Variants in AGBL4 observed in about 807,000 individuals in gnomAD.
AGBL4 encodes the protein cytosolic carboxypeptidase 6.
Under a neutral mutation model 66.4 loss-of-function variants are expected in AGBL4, and 58 were observed. That is an observed-to-expected ratio of 0.87 (90% CI 0.71 to 1.09). AGBL4 has a LOEUF of 1.09. Among genes scored for constraint, AGBL4 ranks in the 50% least tolerant of loss-of-function variants. AGBL4 has a pLI of 0.00. For synonymous variants in AGBL4, 234 were observed against 222.9 expected, an observed-to-expected ratio of 1.05 and a Z score of -0.44; for missense variants, 579 against 631.0, an observed-to-expected ratio of 0.92 and a Z score of 0.88.
chr1:49,284,642 G>C (rs775352294), intron 3 of AGBL4, among the ~76,000 whole-genome samples: 1 of 152,170 alleles, frequency 6.6e-6, no homozygotes, highest in African/African-American at 2.4e-5. Context: ...CACGTGCAGA[G>C]ACACACATAG....
intron 3 of AGBL4, among the ~76,000 whole-genome samples, chr1:49,609,523 A>G (rs1361553696): frequency 6.6e-6 from 1 of 152,162 alleles, no homozygotes; most frequent in African/African-American, 2.4e-5. Flanking sequence ...CAACAGAAAA[A>G]GAAGGGGATT....
At chr1:49,775,312 T>G (rs2147892463) in intron 2 of AGBL4, among the ~76,000 whole-genome samples, 2 of 152,274 alleles carry the variant, frequency 1.3e-5, no homozygotes, top group East Asian at 3.9e-4. Flanking sequence ...CTGTGTATAT[T>G]AAATAAAACA....
intron 1 of AGBL4, among the ~76,000 whole-genome samples, chr1:50,021,878 A>C (rs1238260396): frequency 6.6e-6 from 1 of 152,192 alleles, no homozygotes; most frequent in African/African-American, 2.4e-5. Context: ...ACCCAAATTC[A>C]TATCATATTC....
intron 5 of AGBL4, among the ~76,000 whole-genome samples, chr1:48,903,637 C>A (rs1222063245): frequency 6.6e-6 from 1 of 152,212 alleles, no homozygotes; most frequent in Non-Finnish European, 1.5e-5. Flanking sequence ...CCTTGTCTTT[C>A]ATGCCTCACC....
chr1:48,573,236 C>T (rs898899702), intron 11 of AGBL4, among the ~76,000 whole-genome samples: 3 of 152,178 alleles, frequency 2.0e-5, no homozygotes, highest in Admixed American at 6.5e-5. Flanking sequence ...AATCATTTCT[C>T]GCTTACTATG....
intron 3 of AGBL4, among the ~76,000 whole-genome samples, chr1:49,616,459 C>T (rs576033675): frequency 6.6e-6 from 1 of 152,246 alleles, no homozygotes; most frequent in African/African-American, 2.4e-5. Context: ...TAAATATATT[C>T]TCCTCAGGGC....
At chr1:48,730,192 C>T (rs988690159) in intron 6 of AGBL4, among the ~76,000 whole-genome samples, 1 of 152,162 alleles carries the variant, frequency 6.6e-6, no homozygotes, top group African/African-American at 2.4e-5. Flanking sequence ...TTGTTTCCCC[C>T]CAACAGACTG....
intron 6 of AGBL4, among the ~76,000 whole-genome samples, chr1:48,828,043 CAA>C (rs1469660544): frequency 1.5e-5 from 2 of 137,108 alleles, no homozygotes; most frequent in African/African-American, 2.7e-5. Context: ...CACACACACA[CAA>C]ATTAGCCGGG....
At chr1:49,150,356 T>C (rs1282180647) in intron 4 of AGBL4, among the ~76,000 whole-genome samples, 1 of 152,206 alleles carries the variant, frequency 6.6e-6, no homozygotes, top group Non-Finnish European at 1.5e-5. Flanking sequence ...TTTCACAATT[T>C]GTACACATTC....
Position 49,851,517 on chromosome 1 carries a change from G to T in AGBL4, c.36C>A (p.Gly12=). The T allele has an allele frequency of 1.3e-6, 2 of 1,542,520 alleles. No homozygotes were observed. Among genetic ancestry groups the T allele is most frequent in the Middle Eastern group, 3.4e-4 (2 of 5,946 alleles). The change falls in exon 2 of 14, where the codon GGC becomes GGA. Residue 12 remains glycine (G), a splice_region_variant and synonymous_variant. Transcript: ENST00000371839. ...TGGCATCATCATTTCCCATATCATT[G>T]CCTATTTAAAAAAATTGAAATAAAA... ...AEGSQSAPEA[G]NDMGNDDAIG...
intron 8 of AGBL4, among the ~76,000 whole-genome samples, chr1:48,640,648 G>A (rs933963249): frequency 1.3e-5 from 2 of 152,124 alleles, no homozygotes; most frequent in Non-Finnish European, 2.9e-5. Context: ...ATATAGACCT[G>A]GGATTTGAAC....
chr1:48,666,231 C>A (rs1218852959), intron 6 of AGBL4, among the ~76,000 whole-genome samples: 1 of 152,014 alleles, frequency 6.6e-6, no homozygotes, highest in Non-Finnish European at 1.5e-5. Flanking sequence ...ACTACCCCAC[C>A]CCCTCCTGTC....
chr1:49,020,550 A>C (rs1350389059), intron 5 of AGBL4, among the ~76,000 whole-genome samples: 2 of 152,196 alleles, frequency 1.3e-5, no homozygotes, highest in African/African-American at 2.4e-5. Flanking sequence ...AAACACACCT[A>C]TCAGTCTTCC....
At chr1:48,567,113 C>T (rs1253794187) in intron 11 of AGBL4, among the ~76,000 whole-genome samples, 2 of 152,166 alleles carry the variant, frequency 1.3e-5, no homozygotes, top group East Asian at 3.8e-4. Context: ...GTCATTTTAC[C>T]TCATTGAGCC....
At chr1:49,268,169 T>C (rs1044667727) in intron 3 of AGBL4, 1 of 152,156 alleles carries the variant, frequency 6.6e-6, no homozygotes, top group Non-Finnish European at 1.5e-5. Context: ...CAACCTATAA[T>C]GCACCCCATG....
intron 2 of AGBL4, among the ~76,000 whole-genome samples, chr1:49,811,187 A>T (rs1645094233): frequency 6.6e-6 from 1 of 152,154 alleles, no homozygotes; most frequent in Admixed American, 6.6e-5. Context: ...TTTATCTAAG[A>T]ACTTCTATGT....
intron 2 of AGBL4, among the ~76,000 whole-genome samples, chr1:49,748,155 T>A (rs926208987): frequency 6.6e-5 from 10 of 151,966 alleles, no homozygotes; most frequent in Non-Finnish European, 1.5e-4. Flanking sequence ...ATGCTATCCC[T>A]CCCCTTGCGC....
intron 9 of AGBL4, among the ~76,000 whole-genome samples, chr1:48,628,836 C>A (rs2148407177): frequency 9.0e-6 from 1 of 111,354 alleles, no homozygotes; most frequent in South Asian, 3.5e-4. Context: ...CCCCCCACCC[C>A]CACATGGATT....
chr1:49,475,403 T>G (rs1646827077), intron 3 of AGBL4, among the ~76,000 whole-genome samples: 1 of 151,940 alleles, frequency 6.6e-6, no homozygotes, highest in Non-Finnish European at 1.5e-5. Context: ...TTTTTTTGTT[T>G]TGTCTTTGCC....
Sources: allele counts gnomAD v4.1 joint callset (sites outside exome capture counted in the v4.1 genomes callset), GRCh38; gene constraint gnomAD v4.1.1; transcripts MANE v1.5; gene names NCBI Gene and HGNC (gene_info 2026-07-23, HGNC 2026-07-21).